The following APCDD1L variants were observed in gnomAD, a reference collection of about 807,000 sequenced individuals.
The protein encoded by APCDD1L is APC down-regulated 1 like, also known as protein APCDD1-like.
A neutral mutation model predicts 24.2 loss-of-function variants in APCDD1L; 21 were observed. The observed-to-expected ratio is 0.87, with a 90% CI of 0.61 to 1.25. APCDD1L has a LOEUF of 1.25. APCDD1L is among the 50% of genes most tolerant of loss of function. The pLI is 0.00. For missense variants in APCDD1L, 704 were observed against 711.7 expected (o/e 0.99, Z 0.12); for synonymous variants, 321 against 323.6 (o/e 0.99, Z 0.09).
rs1990708121 is a variant in APCDD1L at position 58,514,786 on chromosome 20, G to C, written c.-79C>G. 1.7e-5 allele frequency: 20 copies of C among 1,172,830 alleles called. No individual in the cohort carries two copies. Among genetic ancestry groups the C allele is most frequent in the Non-Finnish European group, 2.1e-5 (19 of 921,658 alleles). 72.7% of individuals were successfully genotyped at this position (1,172,830 alleles called of 1,614,324 possible). On this transcript the variant is annotated 5_prime_UTR_variant, in exon 1 of 4. Transcript: ENST00000371149. ...AGGCGCGGGCGCAGGGCTCTCGGAC[G>C]GCTGCGGGCGCCGGCGGCCAGGCTG...
intron 1 of APCDD1L, among the ~76,000 whole-genome samples, chr20:58,501,193 T>C: frequency 6.6e-6 from 1 of 152,210 alleles, no homozygotes; most frequent in Admixed American, 6.5e-5. Context: ...TACCTTTAAA[T>C]ATATTTCTTT....
intron 3 of APCDD1L, among the ~76,000 whole-genome samples, chr20:58,466,263 C>A (rs1989703113): frequency 1.3e-5 from 2 of 152,172 alleles, no homozygotes; most frequent in Admixed American, 1.3e-4. Flanking sequence ...GCGGAACATG[C>A]TAAAGAGAGG....
chr20:58,489,878 A>G (rs986217946), intron 1 of APCDD1L, among the ~76,000 whole-genome samples: 1 of 152,164 alleles, frequency 6.6e-6, no homozygotes, highest in African/African-American at 2.4e-5. Flanking sequence ...TCATACAAAA[A>G]TTCACAATTG....
At chr20:58,462,081 T>C (rs1205983256) in intron 3 of APCDD1L, 4 of 153,936 alleles carry the variant, frequency 2.6e-5, no homozygotes, top group Non-Finnish European at 5.8e-5. Flanking sequence ...CAAGCACATA[T>C]TTGTTGCATG....
chr20:58,506,368 C>A (rs1490241702), intron 1 of APCDD1L, among the ~76,000 whole-genome samples: 5 of 152,192 alleles, frequency 3.3e-5, no homozygotes, highest in South Asian at 4.1e-4. Flanking sequence ...CCAGAAGAAG[C>A]AATGTAGCAG....
At chr20:58,463,254 G>A (rs1027319195) in intron 3 of APCDD1L, among the ~76,000 whole-genome samples, 1 of 151,826 alleles carries the variant, frequency 6.6e-6, no homozygotes, top group African/African-American at 2.4e-5. Flanking sequence ...GATGTTCATT[G>A]TCGTGTTATT....
chr20:58,461,532 G>C lies in APCDD1L; in HGVS notation c.764C>G (p.Ala255Gly). ...ATCGGAGCGGGCAATGAGGCCACAG[G>C]CTGGGCACGGCTGCACGTGGTGCTG... ...SALHHVQPCP[A>G]CGLIARSDVH... The change falls in exon 4 of 4, where the codon GCC becomes GGC. Residue 255 changes from alanine (A) to glycine (G), a missense_variant. Ala to Gly is a moderately conservative substitution (Grantham distance 60, BLOSUM62 0). Transcript: ENST00000371149. This position sits in a 1 kb window ranked among gnomAD's most constrained non-coding sequence, Gnocchi z 6.0. The C allele has an allele frequency of 7.0e-7, 1 of 1,435,204 alleles. No homozygotes were observed. The highest frequency in any genetic ancestry group is 9.2e-7 in the Non-Finnish European group (1 of 1,088,884). 88.9% of individuals were successfully genotyped at this position (1,435,204 alleles called of 1,614,324 possible). A position where few individuals can be genotyped will look rare whatever the true frequency, so the allele number is the denominator to read the frequency against.
Position 58,509,818 on chromosome 20 carries a change from A to G in APCDD1L, c.49+4841T>C, listed in dbSNP as rs73918406. ...TGCCTCCAGTGATCGGGAATTCACT[A>G]CTTCTAGAGGCATCTCATTCTTACC... On this transcript the variant is annotated intron_variant, in intron 1 of 3. Transcript: ENST00000371149. Among the ~76,000 whole-genome samples the G allele has an allele frequency of 5.9e-3, 905 of 152,266 alleles. 7 individuals carry two copies. The highest frequency in any genetic ancestry group is 0.02 in the African/African-American group (812 of 41,550).
At chr20:58,501,708 C>G (rs6070485) in intron 1 of APCDD1L, among the ~76,000 whole-genome samples, 70,566 of 152,096 alleles carry the variant, frequency 0.46, 18,530 homozygotes, top group East Asian at 0.71. Context: ...TCACCTCTCT[C>G]TAACCCTACA....
chr20:58,477,866 T>C (rs149113280), intron 1 of APCDD1L, among the ~76,000 whole-genome samples: 3,311 of 152,264 alleles, frequency 0.022, 127 homozygotes, highest in African/African-American at 0.076. Context: ...GAGATCTGCC[T>C]GTCTCAGCCT....
In APCDD1L at chr20:58,508,716, G is replaced by GTAC. The variant is rs1990568788; in HGVS notation, c.49+5942_49+5943insGTA. Among the ~76,000 whole-genome samples the GTAC allele has an allele frequency of 5.9e-5, 9 of 152,294 alleles. No homozygotes were observed. Among genetic ancestry groups the GTAC allele is most frequent in the African/African-American group, 2.2e-4 (9 of 41,552 alleles). On this transcript the variant is annotated intron_variant, in intron 1 of 3. Coordinates refer to ENST00000371149, the MANE Select transcript of APCDD1L (RefSeq NM_153360.3). The surrounding 1 kb of genome is among the most constrained non-coding windows in gnomAD (Gnocchi z 4.0). ...TGAGCGATTACTGAGTACCTACTAT[G>GTAC]TGCCAGGCACTGTTCTAGGGACCCG...
intron 3 of APCDD1L, among the ~76,000 whole-genome samples, chr20:58,465,739 T>G (rs926687424): frequency 1.3e-5 from 2 of 152,238 alleles, no homozygotes; most frequent in Admixed American, 1.3e-4. Context: ...CGAGCCCCAG[T>G]AGCGTCAGCA....
chr20:58,509,019 G>T (rs200473519), intron 1 of APCDD1L, among the ~76,000 whole-genome samples: 12 of 129,598 alleles, frequency 9.3e-5, no homozygotes, highest in African/African-American at 3.2e-4. Flanking sequence ...TGTGTGTGTG[G>T]AGTCAACGAG....
At chr20:58,462,552 A>G (rs1229368691) in intron 3 of APCDD1L, among the ~76,000 whole-genome samples, 1 of 152,186 alleles carries the variant, frequency 6.6e-6, no homozygotes, top group African/African-American at 2.4e-5. Flanking sequence ...AAGCCATCAA[A>G]ATATGTCTGA....
intron 1 of APCDD1L, among the ~76,000 whole-genome samples, chr20:58,491,947 G>C (rs6026311): frequency 0.5 from 75,269 of 152,058 alleles, 18,870 homozygotes; most frequent in Admixed American, 0.58. Context: ...CTAGTTTACA[G>C]GATTGCTGCT....
chr20:58,467,440 A>T lies in APCDD1L; in HGVS notation c.407T>A (p.Phe136Tyr). Reference protein sequence around the residue: ...DYHLHKVGIVFHSRRALVDVT... With the variant: ...DYHLHKVGIVYHSRRALVDVT... ...GTCGACCAGGGCCCGGCGGCTGTGGAAGACGATGCCCACCTTGTGCAGGTG... is the reference window on the plus strand; with the variant it reads ...GTCGACCAGGGCCCGGCGGCTGTGGTAGACGATGCCCACCTTGTGCAGGTG... Residue 136 changes from phenylalanine (F) to tyrosine (Y), a missense_variant, in exon 3 of 4, where the codon TTC becomes TAC. Transcript: ENST00000371149. The surrounding 1 kb of genome is among the most constrained non-coding windows in gnomAD (Gnocchi z 5.9). The T allele has an allele frequency of 6.3e-7, 1 of 1,581,612 alleles. No individual in the cohort carries two copies. Among genetic ancestry groups the T allele is most frequent in the Non-Finnish European group, 8.6e-7 (1 of 1,166,126 alleles).
chr20:58,488,856 A>G (rs1990170991), intron 1 of APCDD1L, among the ~76,000 whole-genome samples: 1 of 152,198 alleles, frequency 6.6e-6, no homozygotes, highest in African/African-American at 2.4e-5. Flanking sequence ...GGAGAAGAAA[A>G]AAGCAGACGC....
intron 3 of APCDD1L, among the ~76,000 whole-genome samples, chr20:58,465,585 C>G (rs1465650137): frequency 6.6e-6 from 1 of 152,220 alleles, no homozygotes; most frequent in Non-Finnish European, 1.5e-5. Context: ...CACCCTCCCT[C>G]CATCTGCTCG....
At chr20:58,510,557 C>T (rs1990608019) in intron 1 of APCDD1L, among the ~76,000 whole-genome samples, 1 of 152,298 alleles carries the variant, frequency 6.6e-6, no homozygotes, top group East Asian at 1.9e-4. Flanking sequence ...GTCTTGAACT[C>T]CTGACCTTAG....
Sources: gnomAD v4.1 joint callset for allele counts (sites outside exome capture counted in the v4.1 genomes callset) on GRCh38, gnomAD v4.1.1 for gene constraint, Gnocchi (gnomAD v3.1) non-coding constraint, MANE v1.5 for transcripts, NCBI Gene and HGNC (gene_info 2026-07-23, HGNC 2026-07-21) for gene names.